The following TTC39C variants were observed in gnomAD, a reference collection of about 807,000 sequenced individuals.
The protein encoded by TTC39C is tetratricopeptide repeat domain 39C.
TTC39C carries 33 observed loss-of-function variants against 76.3 expected under a neutral mutation model. The observed-to-expected ratio is 0.43, with a 90% CI of 0.33 to 0.58. The LOEUF is 0.58. Ranked by LOEUF, TTC39C falls within the 20% of genes least tolerant of loss-of-function variation. The probability of loss-of-function intolerance (pLI) is 0.04; values close to 1 mark genes in which losing one functional copy is unlikely to be tolerated. For missense variants in TTC39C, 595 were observed against 701.4 expected (o/e 0.85, Z 1.71); for synonymous variants, 254 against 260.6 (o/e 0.97, Z 0.24).
Position 24,123,980 on chromosome 18 carries a change from G to T in TTC39C, c.1296+37G>T, listed in dbSNP as rs761002989. ...CCTATTGATCTGGTGTATTACTTAT[G>T]ATGGGCATTTGTAACCAACACTGCC... On this transcript the variant is annotated intron_variant, in intron 9 of 13. Transcript: ENST00000317571. 2.7e-6 allele frequency: 4 copies of T among 1,488,566 alleles called. No individual in the cohort carries two copies. The African/African-American group carries it at 5.7e-5, about 21-fold the overall frequency. The allele number at this position is 1,488,566 out of a possible 1,614,324, so 92.2% of individuals were successfully genotyped here.
chr18:24,074,544 GA>G (rs2084279669), intron 4 of TTC39C, among the ~76,000 whole-genome samples: 1 of 152,106 alleles, frequency 6.6e-6, no homozygotes, highest in African/African-American at 2.4e-5. Context: ...GGTGACACAT[GA>G]AAAAATGCTC....
chr18:24,125,598 T>G (rs756813554), intron 10 of TTC39C, 48 bp downstream of exon 10: 28 of 1,608,030 alleles, frequency 1.7e-5, no homozygotes, highest in Middle Eastern at 1.7e-4. Context: ...CACACTGGCT[T>G]CTTCTGTCAG....
At chr18:24,029,110 TGTTTTTG>T (rs2083636078) in intron 1 of TTC39C, among the ~76,000 whole-genome samples, 3 of 16,938 alleles carry the variant, frequency 1.8e-4, no homozygotes, top group East Asian at 4.8e-3. Context: ...TTGTTGTTGT[TGTTTTTG>T]TGTGAGACGG....
At chr18:24,073,718 C>G (rs1310713635) in intron 4 of TTC39C, among the ~76,000 whole-genome samples, 1 of 152,150 alleles carries the variant, frequency 6.6e-6, no homozygotes, top group Non-Finnish European at 1.5e-5. Flanking sequence ...AGGGGTCTCA[C>G]TATGCTGCCC....
chr18:24,009,546 A>G (rs899824949), intron 1 of TTC39C, among the ~76,000 whole-genome samples: 2 of 152,202 alleles, frequency 1.3e-5, no homozygotes, highest in Non-Finnish European at 2.9e-5. Context: ...GGGACTATCA[A>G]TGAAAAGGAA....
intron 10 of TTC39C, among the ~76,000 whole-genome samples, chr18:24,126,105 T>G (rs943013225): frequency 4.3e-4 from 65 of 152,244 alleles, no homozygotes; most frequent in African/African-American, 1.5e-3. Flanking sequence ...GAAGATCACT[T>G]GAGCCCAGGA....
chr18:24,066,824 G>A (rs1404500320), intron 3 of TTC39C, among the ~76,000 whole-genome samples: 1 of 152,160 alleles, frequency 6.6e-6, no homozygotes, highest in Non-Finnish European at 1.5e-5. Context: ...CCACTGATGG[G>A]CCAAGTGTCC....
rs187013666 is a variant in TTC39C at position 24,088,662 on chromosome 18, G to A, written c.984+5581G>A. Among the ~76,000 whole-genome samples the A allele has an allele frequency of 3.3e-5, 5 of 152,254 alleles. No individual in the cohort carries two copies. The South Asian group carries it at 1.0e-3, about 32-fold the overall frequency. On this transcript the variant is annotated intron_variant, in intron 6 of 13. Transcript: ENST00000317571. ...TTGTGTCCTCCCCTTCCCTCACTCC[G>A]TTCCTGCTGAGAAAGGGACAGTGAT...
Position 24,053,781 on chromosome 18 carries a change from G to A in TTC39C, c.168-10359G>A, listed in dbSNP as rs892399781. 2.0e-5 allele frequency among the ~76,000 whole-genome samples: 3 copies of A among 152,270 alleles called. No individual in the cohort carries two copies. The East Asian group carries it at 5.8e-4, about 29-fold the overall frequency. ...CTCCTGTGAAATTGGGACATTTCAAGCCTTTATTTAGTGCTGACTTTTACG... is the reference window on the plus strand; with the variant it reads ...CTCCTGTGAAATTGGGACATTTCAAACCTTTATTTAGTGCTGACTTTTACG... On this transcript the variant is annotated intron_variant, in intron 1 of 13. Coordinates refer to ENST00000317571, the MANE Select transcript of TTC39C (RefSeq NM_001135993.2).
chr18:24,043,805 A>T (rs983116204), intron 1 of TTC39C, among the ~76,000 whole-genome samples: 1 of 152,246 alleles, frequency 6.6e-6, no homozygotes, highest in Non-Finnish European at 1.5e-5. Context: ...AGTTCTTGGG[A>T]TGGAGAAAAT....
intron 1 of TTC39C, among the ~76,000 whole-genome samples, chr18:23,995,432 T>C (rs2083253545): frequency 6.6e-6 from 1 of 152,008 alleles, no homozygotes; most frequent in South Asian, 2.1e-4. Flanking sequence ...ACTGCACCAC[T>C]GCACTTCAGC....
At chr18:24,031,028 C>A (rs1359465214) in intron 1 of TTC39C, among the ~76,000 whole-genome samples, 1 of 151,968 alleles carries the variant, frequency 6.6e-6, no homozygotes, top group Non-Finnish European at 1.5e-5. Context: ...CAACTTGCAG[C>A]CTCCAATTCC....
chr18:24,123,185 C>A (rs1266184172), intron 8 of TTC39C, among the ~76,000 whole-genome samples: 3 of 152,098 alleles, frequency 2.0e-5, no homozygotes, highest in Non-Finnish European at 4.4e-5. Context: ...CCTATTTATT[C>A]CACTTTGAGT....
intron 1 of TTC39C, among the ~76,000 whole-genome samples, chr18:24,052,081 T>C (rs1030694866): frequency 3.3e-5 from 5 of 152,216 alleles, no homozygotes; most frequent in East Asian, 3.8e-4. Flanking sequence ...TATTCATGTA[T>C]CTTTAAAAAG....
chr18:24,018,555 G>A (rs551957135), intron 1 of TTC39C, among the ~76,000 whole-genome samples: 1 of 152,226 alleles, frequency 6.6e-6, no homozygotes, highest in East Asian at 1.9e-4. Flanking sequence ...TGATAGGGAG[G>A]CTGGGAGACA....
At chr18:24,044,771 G>A (rs2083842555) in intron 1 of TTC39C, among the ~76,000 whole-genome samples, 2 of 152,202 alleles carry the variant, frequency 1.3e-5, no homozygotes, top group Non-Finnish European at 2.9e-5. Flanking sequence ...TTAATTTCAG[G>A]TAGGAAGATA....
intron 6 of TTC39C, among the ~76,000 whole-genome samples, chr18:24,107,623 C>T (rs982511089): frequency 2.6e-5 from 4 of 152,216 alleles, no homozygotes; most frequent in African/African-American, 9.6e-5. Flanking sequence ...TCCTTTGCTC[C>T]TCCTTCGCCT....
At chr18:24,054,361 C>T (rs980479386) in intron 1 of TTC39C, among the ~76,000 whole-genome samples, 5 of 152,316 alleles carry the variant, frequency 3.3e-5, no homozygotes, top group South Asian at 2.1e-4. Flanking sequence ...AAGCCACAAC[C>T]GAACCACAGG....
At chr18:24,007,097 C>T (rs1281335455) in intron 1 of TTC39C, among the ~76,000 whole-genome samples, 4 of 152,146 alleles carry the variant, frequency 2.6e-5, no homozygotes, top group East Asian at 1.9e-4. Flanking sequence ...AGGGGAATTC[C>T]GTGGCACAGA....
Sources: allele counts gnomAD v4.1 joint callset (sites outside exome capture counted in the v4.1 genomes callset), GRCh38; gene constraint gnomAD v4.1.1; transcripts MANE v1.5; gene names NCBI Gene and HGNC (gene_info 2026-07-23, HGNC 2026-07-21).